EIF3E: variants seen among roughly 807,000 people sequenced by gnomAD.
The protein encoded by EIF3E is eIF-3 p48.
In EIF3E, 25 loss-of-function variants were observed where a neutral mutation model predicts 59.3. The ratio of observed to expected loss-of-function variants is 0.42; its 90% confidence interval spans 0.31 to 0.59. The LOEUF is 0.59. EIF3E is among the 20% of genes least tolerant of loss of function. The pLI, the probability that EIF3E is intolerant of heterozygous loss-of-function variation, is 0.15. For missense variants in EIF3E, 317 were observed against 534.3 expected, an observed-to-expected ratio of 0.59 and a Z score of 4.01; for synonymous variants, 176 against 170.2, an observed-to-expected ratio of 1.03 and a Z score of -0.26.
rs541965334 is a variant in EIF3E at position 108,239,117 on chromosome 8, G to T, written c.323+841C>A. ...GTAGCCAGGGATAAAGTGAGCTCAG[G>T]TTTCTCTTATAACGAGATACCCATG... On this transcript the variant is annotated intron_variant, in intron 3 of 12. Coordinates refer to ENST00000220849, the MANE Select transcript of EIF3E (RefSeq NM_001568.3). Among the ~76,000 whole-genome samples the T allele has an allele frequency of 1.2e-4, 18 of 152,230 alleles. No homozygotes were observed. The East Asian group carries it at 3.5e-3, about 29-fold the overall frequency.
In EIF3E at chr8:108,204,746, T is replaced by TATATAG. The variant is rs1354950271; in HGVS notation, c.1062-1244_1062-1243insCTATAT. Among the ~76,000 whole-genome samples, 27 of 113,674 alleles carry TATATAG rather than the reference T, an allele frequency of 2.4e-4. 1 individual carries two copies. Among genetic ancestry groups the TATATAG allele is most frequent in the East Asian group, 1.7e-3 (6 of 3,476 alleles). The allele number at this position is 113,674 out of a possible 152,430, so 74.6% of individuals were successfully genotyped here. On this transcript the variant is annotated intron_variant, in intron 10 of 12. Transcript: ENST00000220849. Reference sequence around the variant, plus strand: ...TAGTATGTATGTATATATATATATATAGAGAGAGAGAGAGAGAGAGAGAGA... The same window carrying TATATAG: ...TAGTATGTATGTATATATATATATATATATAGAGAGAGAGAGAGAGAGAGAGAGAGA...
intron 10 of EIF3E, among the ~76,000 whole-genome samples, chr8:108,213,027 A>G (rs572102853): frequency 1.3e-5 from 2 of 152,292 alleles, no homozygotes; most frequent in Admixed American, 1.3e-4. Context: ...GAAGTAATAA[A>G]AATCTACACG....
chr8:108,216,131 C>T (rs1237900413), intron 9 of EIF3E, among the ~76,000 whole-genome samples: 2 of 151,962 alleles, frequency 1.3e-5, no homozygotes, highest in Non-Finnish European at 2.9e-5. Context: ...TTAAATTACC[C>T]CCAATGTTTT....
At chr8:108,210,814 T>C (rs1161411034) in intron 10 of EIF3E, among the ~76,000 whole-genome samples, 1 of 152,116 alleles carries the variant, frequency 6.6e-6, no homozygotes, top group East Asian at 1.9e-4. Flanking sequence ...TTCTCATTGT[T>C]CAATTCCCAC....
chr8:108,247,466 G>A (rs181311714), intron 1 of EIF3E, among the ~76,000 whole-genome samples: 1 of 152,166 alleles, frequency 6.6e-6, no homozygotes, highest in Non-Finnish European at 1.5e-5. Flanking sequence ...AGTTTTACAT[G>A]ACAAGACATT....
intron 3 of EIF3E, among the ~76,000 whole-genome samples, chr8:108,236,660 A>G (rs1009673153): frequency 3.9e-5 from 6 of 152,214 alleles, no homozygotes; most frequent in Admixed American, 3.9e-4. Context: ...AATCCTATAT[A>G]TAAATGTCCC....
chr8:108,226,846 A>G (rs1348382921), intron 7 of EIF3E, among the ~76,000 whole-genome samples: 1 of 152,232 alleles, frequency 6.6e-6, no homozygotes, highest in Non-Finnish European at 1.5e-5. Context: ...AACTGATCTG[A>G]TAATGCCACA....
chr8:108,228,879 A>G (rs1232937311), intron 6 of EIF3E, among the ~76,000 whole-genome samples, 191 bp downstream of exon 6: 2 of 152,210 alleles, frequency 1.3e-5, no homozygotes, highest in Admixed American at 6.5e-5. Flanking sequence ...GAGCCAAAAG[A>G]AGTCTGACAA....
At chr8:108,233,923 A>G (rs1335666501) in intron 5 of EIF3E, among the ~76,000 whole-genome samples, 1 of 151,876 alleles carries the variant, frequency 6.6e-6, no homozygotes, top group Non-Finnish European at 1.5e-5. Flanking sequence ...AATTTCTCAA[A>G]TGAGAGGCTA....
chr8:108,232,796 A>G (rs1815647972), intron 5 of EIF3E, among the ~76,000 whole-genome samples: 1 of 152,154 alleles, frequency 6.6e-6, no homozygotes, highest in Admixed American at 6.5e-5. Context: ...AAGAGTTTCA[A>G]TATCTGGATT....
intron 1 of EIF3E, chr8:108,242,742 GA>G (rs1253357103): frequency 1.1e-6 from 1 of 922,738 alleles, no homozygotes; most frequent in Non-Finnish European, 1.3e-6. Flanking sequence ...ATGGCTAAAA[GA>G]TAGGCACTTC....
intron 7 of EIF3E, among the ~76,000 whole-genome samples, chr8:108,221,943 CAT>C (rs1815424927): frequency 6.6e-6 from 1 of 152,086 alleles, no homozygotes; most frequent in Admixed American, 6.6e-5. Flanking sequence ...ATATGAAAGC[CAT>C]TCTAGACTGC....
chr8:108,203,562 G>T, intron 10 of EIF3E, 59 bp from the exon 11 acceptor site: 4 of 1,363,204 alleles, frequency 2.9e-6, no homozygotes, highest in Non-Finnish European at 4.2e-6. Flanking sequence ...TTAGTTTTAT[G>T]TACACAGTGT....
intron 6 of EIF3E, among the ~76,000 whole-genome samples, chr8:108,228,777 T>C (rs1815567850): frequency 6.6e-6 from 1 of 152,088 alleles, no homozygotes; most frequent in African/African-American, 2.4e-5. Context: ...CAATAATAGG[T>C]GGCACTAACA....
chr8:108,228,093 G>A (rs2129894481), intron 7 of EIF3E, 174 bp downstream of exon 7: 1 of 614,774 alleles, frequency 1.6e-6, no homozygotes, highest in Non-Finnish European at 2.6e-6. Context: ...CTGTCAAATA[G>A]TTTACTTAAG....
intron 1 of EIF3E, among the ~76,000 whole-genome samples, chr8:108,244,705 C>T (rs1815912760): frequency 6.6e-6 from 1 of 151,930 alleles, no homozygotes; most frequent in Non-Finnish European, 1.5e-5. Context: ...GTTTGGATAT[C>T]ATTTTTAGCT....
intron 10 of EIF3E, among the ~76,000 whole-genome samples, chr8:108,205,025 T>C (rs996723334): frequency 5.3e-5 from 8 of 152,100 alleles, no homozygotes; most frequent in African/African-American, 1.9e-4. Context: ...TACATATGCA[T>C]GTAAAATATT....
chr8:108,228,583 C>T (rs1815563079), intron 6 of EIF3E, among the ~76,000 whole-genome samples, 192 bp from the exon 7 acceptor site: 1 of 152,030 alleles, frequency 6.6e-6, no homozygotes, highest in Non-Finnish European at 1.5e-5. Flanking sequence ...AAATTATTAC[C>T]CTGTTCTTAG....
chr8:108,228,150 A>G (rs1279705890), intron 7 of EIF3E, 117 bp downstream of exon 7: 2 of 868,252 alleles, frequency 2.3e-6, no homozygotes, highest in Non-Finnish European at 3.2e-6. Context: ...CTACATGAAG[A>G]AAAAAAAAAA....
Sources: allele counts gnomAD v4.1 joint callset (sites outside exome capture counted in the v4.1 genomes callset), GRCh38; gene constraint gnomAD v4.1.1; transcripts MANE v1.5; gene names NCBI Gene and HGNC (gene_info 2026-07-23, HGNC 2026-07-21).